RFX3: variants seen among roughly 807,000 people sequenced by gnomAD.
The protein encoded by RFX3 is transcription factor RFX3.
RFX3 carries 14 observed loss-of-function variants against 98.6 expected under a neutral mutation model. That is an observed-to-expected ratio of 0.14 (90% confidence interval 0.09 to 0.22). The LOEUF is 0.22. Ranked by LOEUF, RFX3 falls within the 10% of genes least tolerant of loss-of-function variation. The probability of loss-of-function intolerance (pLI) is 1.00; values close to 1 mark genes in which losing one functional copy is unlikely to be tolerated. For synonymous variants in RFX3, 383 were observed against 328.4 expected, an observed-to-expected ratio of 1.17 and a Z score of -1.80; for missense variants, 639 against 926.9, an observed-to-expected ratio of 0.69 and a Z score of 4.03.
At chr9:3,431,589 G>A (rs1283141984) in intron 1 of RFX3, among the ~76,000 whole-genome samples, 2 of 152,140 alleles carry the variant, frequency 1.3e-5, no homozygotes, top group Non-Finnish European at 2.9e-5. Flanking sequence ...GTGCAGGATT[G>A]CTATAAGAAA....
At chr9:3,517,887 CACATA>C (rs1587920075) in intron 1 of RFX3, among the ~76,000 whole-genome samples, 1 of 152,268 alleles carries the variant, frequency 6.6e-6, no homozygotes, top group East Asian at 1.9e-4. Context: ...AGTCACGCAC[CACATA>C]ACATTTCTGT....
intron 15 of RFX3, among the ~76,000 whole-genome samples, chr9:3,244,478 T>A (rs1265849052): frequency 6.6e-6 from 1 of 151,476 alleles, no homozygotes; most frequent in Non-Finnish European, 1.5e-5. Flanking sequence ...TTTTTCCTCT[T>A]GTCTGTTGCA....
intron 1 of RFX3, among the ~76,000 whole-genome samples, chr9:3,429,057 G>C (rs1386760179): frequency 7.4e-4 from 104 of 140,154 alleles, no homozygotes; most frequent in African/African-American, 1.1e-3. Flanking sequence ...GAGTCTCGCT[G>C]TGTCTCCCAG....
chr9:3,232,888 G>A (rs980614210), intron 15 of RFX3, among the ~76,000 whole-genome samples: 2 of 152,088 alleles, frequency 1.3e-5, no homozygotes, highest in African/African-American at 4.8e-5. Flanking sequence ...CCCACACATG[G>A]AGGAAGAAAT....
intron 14 of RFX3, among the ~76,000 whole-genome samples, chr9:3,256,102 G>T (rs1472931497): frequency 6.6e-6 from 1 of 152,094 alleles, no homozygotes; most frequent in Non-Finnish European, 1.5e-5. Flanking sequence ...GAGTAGCTGG[G>T]ACTACAGGCA....
chr9:3,445,668 T>C (rs1845982464), intron 1 of RFX3, among the ~76,000 whole-genome samples: 1 of 152,196 alleles, frequency 6.6e-6, no homozygotes, highest in East Asian at 1.9e-4. Flanking sequence ...GCATCCAGTT[T>C]TGATGGCTTT....
At chr9:3,399,739 C>A (rs1231902836) in intron 1 of RFX3, among the ~76,000 whole-genome samples, 2 of 152,012 alleles carry the variant, frequency 1.3e-5, no homozygotes, top group Non-Finnish European at 2.9e-5. Flanking sequence ...ATCTCGAGGT[C>A]AGGAGTTTGA....
At chr9:3,404,702 T>C (rs986836549) in intron 1 of RFX3, among the ~76,000 whole-genome samples, 13 of 152,182 alleles carry the variant, frequency 8.5e-5, no homozygotes, top group Non-Finnish European at 2.9e-5. Flanking sequence ...GTTGTCATTA[T>C]ATAATATTTT....
At chr9:3,474,044 G>C (rs868194957) in intron 1 of RFX3, among the ~76,000 whole-genome samples, 2 of 152,186 alleles carry the variant, frequency 1.3e-5, no homozygotes, top group East Asian at 3.9e-4. Flanking sequence ...CAAAGAATTT[G>C]CATGCTATGA....
rs531559886 is a variant in RFX3 at position 3,374,751 on chromosome 9, G to C, written c.117+20721C>G. 1.6e-4 allele frequency among the ~76,000 whole-genome samples: 24 copies of C among 152,082 alleles called. No individual in the cohort carries two copies. The East Asian group carries it at 3.7e-3, about 23-fold the overall frequency. On this transcript the variant is annotated intron_variant, in intron 2 of 16. Coordinates refer to ENST00000617270, the MANE Select transcript of RFX3 (RefSeq NM_001282116.2). The stretch of plus-strand genomic sequence containing the variant: ...GAGTTTCAGCTTTGCAAGATGAAAA[G>C]AATCCTGGAGACTGGTTGCACAACA...
At chr9:3,262,791 C>A in intron 13 of RFX3, 144 bp downstream of exon 13, 1 of 839,114 alleles carries the variant, frequency 1.2e-6, no homozygotes, top group Non-Finnish European at 1.8e-6. Context: ...GTATCTGGGT[C>A]AAACTCCTCT....
At chr9:3,361,011 G>T (rs967402998) in intron 2 of RFX3, among the ~76,000 whole-genome samples, 11 of 152,208 alleles carry the variant, frequency 7.2e-5, no homozygotes, top group Middle Eastern at 6.8e-3. Context: ...TACACATTTG[G>T]TTGGCACCAA....
chr9:3,462,423 A>C (rs1847780653), intron 1 of RFX3, among the ~76,000 whole-genome samples: 1 of 152,060 alleles, frequency 6.6e-6, no homozygotes, highest in Admixed American at 6.5e-5. Flanking sequence ...ATCCAGAAAG[A>C]AACTATAGCT....
intron 1 of RFX3, among the ~76,000 whole-genome samples, chr9:3,459,240 T>G (rs949215201): frequency 2.0e-5 from 3 of 152,188 alleles, no homozygotes; most frequent in African/African-American, 7.2e-5. Flanking sequence ...ACTTTTAAAT[T>G]TCATCAAGCT....
chr9:3,426,760 A>T (rs919188925), intron 1 of RFX3, among the ~76,000 whole-genome samples: 2 of 152,184 alleles, frequency 1.3e-5, no homozygotes, highest in Non-Finnish European at 1.5e-5. Context: ...CCCAGATGGG[A>T]CTGTCTAGCT....
chr9:3,411,705 G>C (rs781297615), intron 1 of RFX3, among the ~76,000 whole-genome samples: 1 of 151,430 alleles, frequency 6.6e-6, no homozygotes, highest in Non-Finnish European at 1.5e-5. Flanking sequence ...TGGCCAGGCT[G>C]GTCTAGAACT....
Position 3,317,619 on chromosome 9 carries a change from A to G in RFX3, c.474+12640T>C, listed in dbSNP as rs555041100. Among the ~76,000 whole-genome samples, 443 of 152,358 alleles carry G rather than the reference A, an allele frequency of 2.9e-3. 2 individuals carry two copies. Among genetic ancestry groups the G allele is most frequent in the African/African-American group, 0.01 (427 of 41,580 alleles). On this transcript the variant is annotated intron_variant, in intron 4 of 16. Coordinates refer to ENST00000617270, the MANE Select transcript of RFX3 (RefSeq NM_001282116.2). ...GGGAGAAAATTTTTACAATCTACCC[A>G]TCTGACAAAGGGCTAATATCCAGAA... is the stretch of plus-strand genomic sequence containing the variant.
chr9:3,337,534 T>C (rs1317058812), intron 3 of RFX3, among the ~76,000 whole-genome samples: 8 of 152,068 alleles, frequency 5.3e-5, no homozygotes, highest in Non-Finnish European at 1.0e-4. Flanking sequence ...GCAATGGAAA[T>C]GGTGACACAC....
At chr9:3,502,669 C>T (rs555973233) in intron 1 of RFX3, among the ~76,000 whole-genome samples, 11 of 152,222 alleles carry the variant, frequency 7.2e-5, no homozygotes, top group Admixed American at 2.6e-4. Context: ...TTAAATTTAA[C>T]ACTTGTTTAG....
Sources: allele counts gnomAD v4.1 joint callset (sites outside exome capture counted in the v4.1 genomes callset), GRCh38; gene constraint gnomAD v4.1.1; transcripts MANE v1.5; gene names NCBI Gene and HGNC (gene_info 2026-07-23, HGNC 2026-07-21).